The following TTC7A variants were observed in gnomAD, a reference collection of about 807,000 sequenced individuals.
TTC7A encodes the protein tetratricopeptide repeat protein 7A.
Under a neutral mutation model 103.7 loss-of-function variants are expected in TTC7A, and 110 were observed. The observed-to-expected ratio is 1.06, with a 90% confidence interval of 0.91 to 1.24. The LOEUF (loss-of-function observed/expected upper bound fraction) is 1.24. Ranked by LOEUF, TTC7A falls within the 50% of genes most tolerant of loss-of-function variation. The pLI, the probability that TTC7A is intolerant of heterozygous loss-of-function variation, is 0.00. For synonymous variants in TTC7A, 521 were observed against 467.9 expected, an observed-to-expected ratio of 1.11 and a Z score of -1.47; for missense variants, 1,340 against 1,116.3, an observed-to-expected ratio of 1.20 and a Z score of -2.86.
chr2:46,916,271 C>T, exon 1 of TTC7A: 1 of 704,100 alleles, frequency 1.4e-6, no homozygotes, highest in Non-Finnish European at 1.7e-6. Context: ...ACGCTGGAGC[C>T]GGCCTTGGAC....
chr2:47,045,095 C>T (rs1032491995), intron 15 of TTC7A, among the ~76,000 whole-genome samples: 9 of 152,200 alleles, frequency 5.9e-5, no homozygotes, highest in African/African-American at 2.2e-4. Flanking sequence ...TGGTCTTGCT[C>T]ATCAGTGATA....
At chr2:46,952,231 C>T (rs374658010) in intron 2 of TTC7A, among the ~76,000 whole-genome samples, 3 of 151,974 alleles carry the variant, frequency 2.0e-5, no homozygotes, top group South Asian at 2.1e-4. Flanking sequence ...AGCTGCCTGA[C>T]CCTGAGCATG....
At chr2:46,963,370 A>T (rs1672554905) in intron 3 of TTC7A, among the ~76,000 whole-genome samples, 1 of 152,282 alleles carries the variant, frequency 6.6e-6, no homozygotes, top group African/African-American at 2.4e-5. Flanking sequence ...AGCATCCGGC[A>T]TAGGCCAGTA....
At chr2:46,983,312 G>A (rs1354249804) in intron 5 of TTC7A, among the ~76,000 whole-genome samples, 1 of 152,190 alleles carries the variant, frequency 6.6e-6, no homozygotes, top group African/African-American at 2.4e-5. Context: ...CAGCTGCCTC[G>A]CTCCACCTCC....
At chr2:47,020,835 C>T (rs759726426) in intron 11 of TTC7A, among the ~76,000 whole-genome samples, 1 of 152,226 alleles carries the variant, frequency 6.6e-6, no homozygotes. Flanking sequence ...CCAGAGCTGC[C>T]CATCTCCTGC....
chr2:46,956,631 G>T lies in TTC7A; in HGVS notation c.349-208G>T, dbSNP rs753374299. The stretch of plus-strand genomic sequence containing the variant: ...ATGAAACAATTAGGGACTCATAGGA[G>T]AATTTTATTGAGAACCACAATGTAG... On this transcript the variant is annotated intron_variant, in intron 2 of 19. Transcript: ENST00000319190. 55 of 589,730 alleles carry T rather than the reference G, an allele frequency of 9.3e-5. 1 individual carries two copies. Among genetic ancestry groups the T allele is most frequent in the Non-Finnish European group, 1.5e-4 (51 of 331,330 alleles). 36.5% of individuals were successfully genotyped at this position (589,730 alleles called of 1,614,324 possible). A position where few individuals can be genotyped will look rare whatever the true frequency, so the allele number is the denominator to read the frequency against.
At chr2:46,939,671 T>G (rs1670168329), upstream of TTC7A, among the ~76,000 whole-genome samples, 1 of 152,156 alleles carries the variant, frequency 6.6e-6, no homozygotes, top group Non-Finnish European at 1.5e-5. Context: ...ACCCTGCTGT[T>G]CACTCCCTGC....
chr2:46,999,280 C>T (rs538697529), intron 8 of TTC7A, among the ~76,000 whole-genome samples: 1 of 151,872 alleles, frequency 6.6e-6, no homozygotes, highest in East Asian at 1.9e-4. Flanking sequence ...CCATCCACCT[C>T]CCATTCATCC....
chr2:47,011,312 C>T lies in TTC7A; in HGVS notation c.1288-19C>T, dbSNP rs907246210. On this transcript the variant is annotated intron_variant, in intron 10 of 19. Coordinates refer to ENST00000319190, the MANE Select transcript of TTC7A (RefSeq NM_020458.4). ...CCAGGACTGTGAGTGACAGTGTTTC[C>T]TGCTCTTTTTTTCTGCAGTCAGCCT... 65 of 1,610,180 alleles carry T rather than the reference C, an allele frequency of 4.0e-5. No homozygotes were observed. The highest frequency in any genetic ancestry group is 5.4e-5 in the Non-Finnish European group (64 of 1,177,656).
At chr2:47,063,050 T>A (rs985220059) in intron 19 of TTC7A, among the ~76,000 whole-genome samples, 2 of 152,238 alleles carry the variant, frequency 1.3e-5, no homozygotes, top group Non-Finnish European at 2.9e-5. Flanking sequence ...TGCTAAGCGC[T>A]CATTTTCTAA....
chr2:46,952,940 T>C (rs1671539419), intron 2 of TTC7A, among the ~76,000 whole-genome samples: 1 of 152,226 alleles, frequency 6.6e-6, no homozygotes, highest in South Asian at 2.1e-4. Flanking sequence ...AGAAGTTTTA[T>C]TTAGAGCTTT....
chr2:46,946,028 A>G lies in TTC7A; in HGVS notation c.184+4303A>G, dbSNP rs75075798. 1.1e-4 allele frequency among the ~76,000 whole-genome samples: 16 copies of G among 152,298 alleles called. No homozygotes were observed. The East Asian group carries it at 3.1e-3, about 29-fold the overall frequency. ...GAGAGGGGATCACTGTCATCCAAAC[A>G]TGGGGTCTTGAAGGGTATTCCTGTG... On this transcript the variant is annotated intron_variant, in intron 1 of 19. Coordinates refer to ENST00000319190, the MANE Select transcript of TTC7A (RefSeq NM_020458.4).
upstream of TTC7A, among the ~76,000 whole-genome samples, chr2:46,939,758 C>G (rs542011682): frequency 2.3e-4 from 35 of 152,338 alleles, 1 homozygote; most frequent in South Asian, 4.4e-3. Context: ...TCCAACCGCT[C>G]TCTCCAAGTG....
At chr2:46,934,293 C>T (rs1669854433) in intron 2 of TTC7A, among the ~76,000 whole-genome samples, 1 of 152,228 alleles carries the variant, frequency 6.6e-6, no homozygotes, top group Admixed American at 6.5e-5. Context: ...GAGTCTTGCT[C>T]TGTTGCTCAG....
chr2:46,957,088 G>T, intron 3 of TTC7A, 81 bp downstream of exon 3: 1 of 1,560,106 alleles, frequency 6.4e-7, no homozygotes, highest in Non-Finnish European at 8.8e-7. Context: ...TGCTGGGCTC[G>T]TGTCCAGATT....
chr2:46,940,166 C>T (rs1670210644), upstream of TTC7A, among the ~76,000 whole-genome samples: 1 of 152,058 alleles, frequency 6.6e-6, no homozygotes, highest in Non-Finnish European at 1.5e-5. The surrounding 1 kb of genome is among the most constrained non-coding windows in gnomAD (Gnocchi z 4.7). Context: ...GACATAAAAA[C>T]CTTCCCTCGG....
intron 19 of TTC7A, among the ~76,000 whole-genome samples, chr2:47,069,106 G>A (rs1684441405): frequency 6.6e-6 from 1 of 152,096 alleles, no homozygotes; most frequent in Non-Finnish European, 1.5e-5. Flanking sequence ...CTGACCTGGA[G>A]GGCTGGGCCA....
chr2:47,042,700 G>GTATATA (rs1229620236), intron 15 of TTC7A, among the ~76,000 whole-genome samples: 1 of 137,120 alleles, frequency 7.3e-6, no homozygotes, highest in South Asian at 2.2e-4. Flanking sequence ...GTGTGTGTGT[G>GTATATA]TGTATATATA....
rs1677559926 is a variant in TTC7A, at chr2:47,007,632, G to A, written c.1287+908G>A. Reference sequence around the variant, plus strand: ...TGCCAGTGCCTCCTCCACGCATCAAGGGCGTGCCAGCCAGCTCGGGGCCTC... The same window carrying A: ...TGCCAGTGCCTCCTCCACGCATCAAAGGCGTGCCAGCCAGCTCGGGGCCTC... On this transcript the variant is annotated intron_variant, in intron 10 of 19. Coordinates refer to ENST00000319190, the MANE Select transcript of TTC7A (RefSeq NM_020458.4). The surrounding 1 kb of genome is among the most constrained non-coding windows in gnomAD (Gnocchi z 4.9). Among the ~76,000 whole-genome samples, 1 of 152,148 alleles carries A rather than the reference G, an allele frequency of 6.6e-6. No individual in the cohort carries two copies. Among genetic ancestry groups the A allele is most frequent in the Non-Finnish European group, 1.5e-5 (1 of 68,016 alleles).
Sources: allele counts gnomAD v4.1 joint callset (sites outside exome capture counted in the v4.1 genomes callset), GRCh38; gene constraint gnomAD v4.1.1; non-coding constraint Gnocchi (gnomAD v3.1); transcripts MANE v1.5; gene names NCBI Gene and HGNC (gene_info 2026-07-23, HGNC 2026-07-21).